SNAP25: variants seen among roughly 807,000 people sequenced by gnomAD.
SNAP25 encodes synaptosomal-associated protein 25.
Under a neutral mutation model 28.7 loss-of-function variants are expected in SNAP25, and 3 were observed. The observed-to-expected ratio is 0.10, with a 90% confidence interval of 0.05 to 0.27. SNAP25 has a LOEUF of 0.27. Ranked by LOEUF, SNAP25 falls within the 10% of genes least tolerant of loss-of-function variation. The probability of loss-of-function intolerance (pLI) is 1.00; values close to 1 mark genes in which losing one functional copy is unlikely to be tolerated. For synonymous variants in SNAP25, 61 were observed against 88.1 expected, an observed-to-expected ratio of 0.69 and a Z score of 1.72; for missense variants, 117 against 278.7, an observed-to-expected ratio of 0.42 and a Z score of 4.13.
At chr20:10,242,630 G>T (rs1453330357) in intron 1 of SNAP25, among the ~76,000 whole-genome samples, 3 of 152,184 alleles carry the variant, frequency 2.0e-5, no homozygotes, top group Non-Finnish European at 4.4e-5. Flanking sequence ...CTGCAAGAAA[G>T]CACAGGACCC....
intron 1 of SNAP25, among the ~76,000 whole-genome samples, chr20:10,270,698 C>CAA (rs60294713): frequency 7.5e-6 from 1 of 133,422 alleles, no homozygotes; most frequent in African/African-American, 2.7e-5. Context: ...AACTCTGTCT[C>CAA]AAAAAAAAAA....
chr20:10,250,533 C>T (rs1208167812), intron 1 of SNAP25, among the ~76,000 whole-genome samples: 1 of 152,164 alleles, frequency 6.6e-6, no homozygotes, highest in African/African-American at 2.4e-5. Flanking sequence ...TCTCAAAAAC[C>T]CTCAGTATCT....
At chr20:10,273,591 G>A (rs2122987249) in intron 1 of SNAP25, among the ~76,000 whole-genome samples, 1 of 152,280 alleles carries the variant, frequency 6.6e-6, no homozygotes, top group South Asian at 2.1e-4. Context: ...AGAAACAGAG[G>A]GAGGAGAATA....
intron 1 of SNAP25, among the ~76,000 whole-genome samples, chr20:10,229,443 T>A (rs143670818): frequency 2.0e-5 from 3 of 152,182 alleles, no homozygotes; most frequent in African/African-American, 7.2e-5. Context: ...CATAAACCAA[T>A]AAATATAAAA....
intron 3 of SNAP25, among the ~76,000 whole-genome samples, chr20:10,284,274 T>G (rs2076240): frequency 6.6e-6 from 1 of 151,996 alleles, no homozygotes; most frequent in Non-Finnish European, 1.5e-5. Context: ...CATCTTCCCA[T>G]GGGGCATCCC....
intron 1 of SNAP25, among the ~76,000 whole-genome samples, chr20:10,244,449 G>A (rs1423770552): frequency 6.6e-6 from 1 of 152,124 alleles, no homozygotes; most frequent in Admixed American, 6.5e-5. Context: ...AGAATTCAAG[G>A]TAGGAACTAT....
intron 5 of SNAP25, among the ~76,000 whole-genome samples, chr20:10,295,463 A>C (rs916798722): frequency 6.6e-6 from 1 of 152,186 alleles, no homozygotes; most frequent in Non-Finnish European, 1.5e-5. Flanking sequence ...ATCTCGTTTC[A>C]TTGAATGGGT....
chr20:10,255,224 G>A (rs969341642), intron 1 of SNAP25, among the ~76,000 whole-genome samples: 7 of 152,316 alleles, frequency 4.6e-5, no homozygotes, highest in Admixed American at 4.6e-4. Flanking sequence ...AGACTGGATG[G>A]TACTACACAG....
intron 3 of SNAP25, among the ~76,000 whole-genome samples, chr20:10,279,869 C>T (rs912346260): frequency 6.6e-6 from 1 of 152,208 alleles, no homozygotes; most frequent in African/African-American, 2.4e-5. Context: ...GATTGATTTG[C>T]TCTTACTTCC....
At chr20:10,291,543 T>G (rs942708204) in intron 4 of SNAP25, among the ~76,000 whole-genome samples, 42 of 152,362 alleles carry the variant, frequency 2.8e-4, no homozygotes, top group African/African-American at 9.9e-4. Flanking sequence ...AGATTCCTCA[T>G]GAACTGAATT....
At chr20:10,278,568 G>A (rs2063728978) in intron 3 of SNAP25, among the ~76,000 whole-genome samples, 1 of 152,104 alleles carries the variant, frequency 6.6e-6, no homozygotes, top group Admixed American at 6.5e-5. Flanking sequence ...TTTTTATTCA[G>A]CGAGATGCTG....
At chr20:10,245,023 G>T (rs1028128183) in intron 1 of SNAP25, among the ~76,000 whole-genome samples, 3 of 152,096 alleles carry the variant, frequency 2.0e-5, no homozygotes, top group Non-Finnish European at 4.4e-5. Flanking sequence ...GAGCCACTGT[G>T]GCTGGCCATC....
intron 1 of SNAP25, among the ~76,000 whole-genome samples, chr20:10,224,252 C>A (rs1208646031): frequency 3.1e-5 from 2 of 63,804 alleles, no homozygotes; most frequent in African/African-American, 1.7e-4. Context: ...AGAGAATGTA[C>A]ATGTCTTTTT....
chr20:10,227,544 T>A (rs1171451324), intron 1 of SNAP25, among the ~76,000 whole-genome samples: 2 of 152,160 alleles, frequency 1.3e-5, no homozygotes, highest in Non-Finnish European at 2.9e-5. Flanking sequence ...AATAAAATTA[T>A]GTCCCAAGGA....
chr20:10,255,044 T>A (rs1439577479), intron 1 of SNAP25, among the ~76,000 whole-genome samples: 1 of 152,162 alleles, frequency 6.6e-6, no homozygotes, highest in Non-Finnish European at 1.5e-5. Context: ...GTACTTGAAA[T>A]GATATAGAGG....
chr20:10,228,769 T>C (rs1194347561), intron 1 of SNAP25, among the ~76,000 whole-genome samples: 1 of 152,166 alleles, frequency 6.6e-6, no homozygotes, highest in East Asian at 1.9e-4. Context: ...GGGACTGTTG[T>C]TATGTTCAGT....
chr20:10,265,959 A>G (rs1201317097), intron 1 of SNAP25, among the ~76,000 whole-genome samples: 1 of 152,222 alleles, frequency 6.6e-6, no homozygotes, highest in Non-Finnish European at 1.5e-5. Flanking sequence ...CATTTGGAGT[A>G]CCAAAGGTTT....
At position 10,300,149 on chromosome 20, in the gene SNAP25, C is replaced by T. The variant is rs955182358; in HGVS notation, c.552+737C>T. ...TTGGCTCTAAGATCCACCATGTCAA[C>T]GTGGGCCATAAGAAAGACTGGAGGG... On this transcript the variant is annotated intron_variant, in intron 7 of 7. Coordinates refer to ENST00000254976, the MANE Select transcript of SNAP25 (RefSeq NM_130811.4). Among the ~76,000 whole-genome samples the T allele has an allele frequency of 3.4e-5, 5 of 148,144 alleles. No individual in the cohort carries two copies. In the East Asian group the frequency reaches 7.9e-4, roughly 23 times the overall value.
intron 7 of SNAP25, among the ~76,000 whole-genome samples, chr20:10,300,528 C>A (rs1001540560): frequency 2.0e-5 from 3 of 152,074 alleles, no homozygotes; most frequent in Non-Finnish European, 4.4e-5. Flanking sequence ...TATAATAATT[C>A]ATTCCATTTT....
Sources: allele counts gnomAD v4.1 joint callset (sites outside exome capture counted in the v4.1 genomes callset), GRCh38; gene constraint gnomAD v4.1.1; transcripts MANE v1.5; gene names NCBI Gene and HGNC (gene_info 2026-07-23, HGNC 2026-07-21).